KIFAP3: variants seen among roughly 807,000 people sequenced by gnomAD.
KIFAP3 encodes the protein kinesin associated protein 3.
A neutral mutation model predicts 106.5 loss-of-function variants in KIFAP3; 68 were observed. The observed-to-expected ratio is 0.64, with a 90% CI of 0.53 to 0.78. The LOEUF is 0.78. KIFAP3 is among the 30% of genes least tolerant of loss of function. The probability of loss-of-function intolerance (pLI) is 0.00; values close to 1 mark genes in which losing one functional copy is unlikely to be tolerated. For missense variants in KIFAP3, 780 were observed against 941.8 expected, an observed-to-expected ratio of 0.83 and a Z score of 2.25; for synonymous variants, 320 against 311.5, an observed-to-expected ratio of 1.03 and a Z score of -0.29.
intron 3 of KIFAP3, among the ~76,000 whole-genome samples, chr1:170,045,820 C>G (rs1290442838): frequency 6.6e-6 from 1 of 152,118 alleles, no homozygotes; most frequent in Non-Finnish European, 1.5e-5. Flanking sequence ...TACTTTGGCC[C>G]ATTTCCTTGT....
At chr1:169,944,411 C>T (rs1280116723) in intron 19 of KIFAP3, among the ~76,000 whole-genome samples, 3 of 152,190 alleles carry the variant, frequency 2.0e-5, no homozygotes, top group African/African-American at 7.2e-5. Context: ...CTGGGAACCG[C>T]AGAGCCCCAC....
chr1:170,014,800 CGAT>C (rs1186563696), intron 10 of KIFAP3, among the ~76,000 whole-genome samples: 2 of 152,038 alleles, frequency 1.3e-5, no homozygotes, highest in Non-Finnish European at 2.9e-5. Flanking sequence ...TACTTCATAA[CGAT>C]GATGATGTTG....
At chr1:170,041,799 G>A in intron 3 of KIFAP3, 1 of 1,517,146 alleles carries the variant, frequency 6.6e-7, no homozygotes, top group Non-Finnish European at 8.8e-7. Flanking sequence ...CCTCCTTAAA[G>A]GTCGTGTTCC....
At chr1:169,992,550 G>A (rs1028695630) in intron 10 of KIFAP3, among the ~76,000 whole-genome samples, 3 of 151,990 alleles carry the variant, frequency 2.0e-5, no homozygotes, top group Non-Finnish European at 4.4e-5. Flanking sequence ...AAACAATTGG[G>A]TCATTAGCCT....
intron 10 of KIFAP3, among the ~76,000 whole-genome samples, chr1:170,002,627 T>C: frequency 6.6e-6 from 1 of 152,184 alleles, no homozygotes; most frequent in Middle Eastern, 3.2e-3. Flanking sequence ...CAAACCTTCA[T>C]ACTAGTAGCT....
chr1:170,007,879 C>G (rs1389900816), intron 10 of KIFAP3, among the ~76,000 whole-genome samples: 1 of 152,128 alleles, frequency 6.6e-6, no homozygotes, highest in Non-Finnish European at 1.5e-5. Flanking sequence ...TACTACAAGG[C>G]TACAGTAACC....
intron 17 of KIFAP3, among the ~76,000 whole-genome samples, chr1:169,968,827 C>A (rs1571578346): frequency 7.4e-6 from 1 of 135,390 alleles, no homozygotes; most frequent in African/African-American, 2.5e-5. Context: ...CAAATGTTGC[C>A]AATTAAAAAA....
intron 16 of KIFAP3, among the ~76,000 whole-genome samples, chr1:169,977,467 C>T (rs655474): frequency 0.94 from 142,686 of 152,250 alleles, 66,946 homozygotes; most frequent in East Asian, 1. Context: ...TTAATATTAA[C>T]GTTACGGGCA....
chr1:169,962,078 G>A (rs371842710), intron 17 of KIFAP3, among the ~76,000 whole-genome samples: 2 of 152,124 alleles, frequency 1.3e-5, no homozygotes. Flanking sequence ...AACACTGGGG[G>A]AAGTACTGTT....
Position 169,993,630 on chromosome 1 carries a change from T to C in KIFAP3, c.1184-1375A>G, listed in dbSNP as rs7516437. Among the ~76,000 whole-genome samples, 2 of 544 alleles carry C rather than the reference T, an allele frequency of 3.7e-3. 1 individual carries two copies. Among genetic ancestry groups the C allele is most frequent in the Non-Finnish European group, 6.8e-3 (2 of 296 alleles). 0.4% of individuals were successfully genotyped at this position (544 alleles called of 152,430 possible). ...CAGGGTCTAGCAAGCTTCAGGCAGG[T>C]GATTTGCTTGTACCCAGAAGGTGAG... On this transcript the variant is annotated intron_variant, in intron 10 of 19. Transcript: ENST00000361580.
rs1223858945 is a variant in KIFAP3 at position 169,976,836 on chromosome 1, G to C, written c.1897+1249C>G. 4.6e-5 allele frequency among the ~76,000 whole-genome samples: 7 copies of C among 152,068 alleles called. No homozygotes were observed. In the South Asian group the frequency reaches 6.2e-4, roughly 13 times the overall value. On this transcript the variant is annotated intron_variant, in intron 16 of 19. Coordinates refer to ENST00000361580, the MANE Select transcript of KIFAP3 (RefSeq NM_014970.4). Reference sequence around the variant, plus strand: ...GGTTCATGTGATAATCACTGCTTCGGTGTCCCGAGTAGCTGGGACTACAGG... The same window carrying C: ...GGTTCATGTGATAATCACTGCTTCGCTGTCCCGAGTAGCTGGGACTACAGG...
At chr1:169,956,610 C>CTTTTT (rs1163823729) in intron 18 of KIFAP3, among the ~76,000 whole-genome samples, 2 of 117,438 alleles carry the variant, frequency 1.7e-5, no homozygotes, top group Non-Finnish European at 3.4e-5. Flanking sequence ...CACTGAAGTT[C>CTTTTT]TTTTTTTTTT....
intron 19 of KIFAP3, among the ~76,000 whole-genome samples, chr1:169,948,641 T>C (rs987115522): frequency 3.3e-5 from 5 of 152,028 alleles, no homozygotes; most frequent in African/African-American, 9.7e-5. Context: ...ATGAAGATCA[T>C]TGAACTTAAA....
chr1:169,970,633 T>A (rs1489036139), intron 17 of KIFAP3, among the ~76,000 whole-genome samples: 1 of 152,032 alleles, frequency 6.6e-6, no homozygotes, highest in Non-Finnish European at 1.5e-5. Flanking sequence ...TAGAATACAG[T>A]CATGCTGAGA....
At chr1:170,041,725 G>C in intron 3 of KIFAP3, 1 of 1,535,226 alleles carries the variant, frequency 6.5e-7, no homozygotes, top group African/African-American at 1.4e-5. Flanking sequence ...GAATCTGAAA[G>C]ACTTCTCCGG....
chr1:170,027,486 T>C (rs1330352702), intron 8 of KIFAP3, among the ~76,000 whole-genome samples: 1 of 152,158 alleles, frequency 6.6e-6, no homozygotes, highest in Non-Finnish European at 1.5e-5. Flanking sequence ...TTCTAAAAGT[T>C]AAGTAGAGAC....
intron 19 of KIFAP3, among the ~76,000 whole-genome samples, chr1:169,942,328 C>T (rs949005263): frequency 2.0e-5 from 3 of 152,160 alleles, no homozygotes; most frequent in Non-Finnish European, 1.5e-5. Context: ...TTTATGGAGT[C>T]TTGGAATCTT....
At chr1:169,956,251 T>A (rs1426554551) in intron 18 of KIFAP3, among the ~76,000 whole-genome samples, 1 of 152,090 alleles carries the variant, frequency 6.6e-6, no homozygotes, top group Admixed American at 6.5e-5. Flanking sequence ...TAAGAAATAT[T>A]TCATAAATAA....
In KIFAP3 at chr1:169,980,342, T is replaced by C. The variant is rs138360059; in HGVS notation, c.1798+1630A>G. ...GAGATGAGAGTATCTTCTTCAGGGA[T>C]CTCATATTAGCATTTTTAACTTCTA... On this transcript the variant is annotated intron_variant, in intron 15 of 19. Transcript: ENST00000361580. 3.4e-3 allele frequency among the ~76,000 whole-genome samples: 514 copies of C among 152,290 alleles called. 1 individual carries two copies. The highest frequency in any genetic ancestry group is 8.8e-3 in the Admixed American group (134 of 15,296).
Sources: gnomAD v4.1 joint callset for allele counts (sites outside exome capture counted in the v4.1 genomes callset) on GRCh38, gnomAD v4.1.1 for gene constraint, MANE v1.5 for transcripts, NCBI Gene and HGNC (gene_info 2026-07-23, HGNC 2026-07-21) for gene names.